The following PTCHD4 variants were observed in gnomAD, a reference collection of about 807,000 sequenced individuals.
PTCHD4 encodes patched domain containing 4.
A neutral mutation model predicts 58.1 loss-of-function variants in PTCHD4; 33 were observed. That is an observed-to-expected ratio of 0.57 (90% confidence interval 0.43 to 0.76). PTCHD4 has a LOEUF of 0.76. Ranked by LOEUF, PTCHD4 falls within the 30% of genes least tolerant of loss-of-function variation. The pLI, the probability that PTCHD4 is intolerant of heterozygous loss-of-function variation, is 0.00. For missense variants in PTCHD4, 1,058 were observed against 1,027.1 expected, an observed-to-expected ratio of 1.03 and a Z score of -0.41; for synonymous variants, 478 against 409.6, an observed-to-expected ratio of 1.17 and a Z score of -2.02.
intron 1 of PTCHD4, among the ~76,000 whole-genome samples, chr6:48,107,259 A>G (rs1192657239): frequency 6.6e-6 from 1 of 152,206 alleles, no homozygotes; most frequent in African/African-American, 2.4e-5. Context: ...AGAGATATAG[A>G]CCAATGGAAC....
At chr6:48,090,017 C>A (rs917998564) in intron 1 of PTCHD4, among the ~76,000 whole-genome samples, 9 of 152,080 alleles carry the variant, frequency 5.9e-5, no homozygotes, top group Non-Finnish European at 1.5e-5. Flanking sequence ...TTTCTCAGAA[C>A]TATTTCTCCA....
intron 4 of PTCHD4, among the ~76,000 whole-genome samples, chr6:47,953,323 T>C (rs1001123792): frequency 1.3e-5 from 2 of 152,170 alleles, no homozygotes; most frequent in Admixed American, 6.5e-5. Flanking sequence ...CCTTGCTTTG[T>C]GGGGAAAATG....
chr6:48,076,338 A>T (rs1765064104), intron 1 of PTCHD4, among the ~76,000 whole-genome samples: 1 of 152,196 alleles, frequency 6.6e-6, no homozygotes, highest in African/African-American at 2.4e-5. Context: ...GTTGGAATCA[A>T]CTTCCTCCAA....
At chr6:47,957,768 T>C (rs1003691628) in intron 4 of PTCHD4, among the ~76,000 whole-genome samples, 2 of 144,700 alleles carry the variant, frequency 1.4e-5, no homozygotes, top group African/African-American at 5.3e-5. Flanking sequence ...GCCCGGCTAA[T>C]TTTTTTTTTG....
chr6:47,996,336 G>A (rs1325807408), intron 4 of PTCHD4, among the ~76,000 whole-genome samples: 3 of 152,148 alleles, frequency 2.0e-5, no homozygotes, highest in African/African-American at 4.8e-5. Flanking sequence ...TTAGCCGGGT[G>A]TGGTGTTGCA....
At chr6:47,967,256 TG>T (rs764612316) in intron 4 of PTCHD4, among the ~76,000 whole-genome samples, 61 of 152,324 alleles carry the variant, frequency 4.0e-4, no homozygotes, top group Non-Finnish European at 7.6e-4. Context: ...ATTGTCGATT[TG>T]CAGTAATATT....
chr6:47,910,333 T>C (rs1341750371), intron 4 of PTCHD4, among the ~76,000 whole-genome samples: 1 of 152,114 alleles, frequency 6.6e-6, no homozygotes, highest in Non-Finnish European at 1.5e-5. Context: ...ATCCATTAGT[T>C]CAAACCTGTG....
chr6:47,878,701 T>G lies in PTCHD4; in HGVS notation c.2134A>C (p.Ile712Leu). The G allele has an allele frequency of 6.2e-7, 1 of 1,613,230 alleles. No individual in the cohort carries two copies. Among genetic ancestry groups the G allele is most frequent in the Non-Finnish European group, 8.5e-7 (1 of 1,179,658 alleles). Residue 712 changes from isoleucine to leucine, a missense_variant, in exon 5 of 5, where the codon ATC (isoleucine) becomes CTC (leucine). Coordinates refer to ENST00000339488, the MANE Select transcript of PTCHD4 (RefSeq NM_001384253.1). The part of the protein sequence containing the change: ...LWNVDMDCIS[I>L]LCLIYTLNFA... The stretch of plus-strand genomic sequence containing the variant: ...TTCAAGGTGTAGATAAGGCACAAGA[T>G]AGAAATGCAATCCATGTCGACGTTC...
At chr6:47,886,456 C>A (rs1006263198) in intron 4 of PTCHD4, among the ~76,000 whole-genome samples, 1 of 151,800 alleles carries the variant, frequency 6.6e-6, no homozygotes, top group Non-Finnish European at 1.5e-5. Context: ...AGCTTGACAC[C>A]GATATGAGAG....
chr6:47,979,271 A>G (rs1767797723), intron 4 of PTCHD4, among the ~76,000 whole-genome samples: 2 of 152,158 alleles, frequency 1.3e-5, no homozygotes, highest in South Asian at 2.1e-4. Flanking sequence ...AAAGGTATGT[A>G]TTTTTATAAA....
At chr6:47,885,842 G>A (rs766056827) in intron 4 of PTCHD4, among the ~76,000 whole-genome samples, 4 of 151,950 alleles carry the variant, frequency 2.6e-5, no homozygotes, top group Admixed American at 2.0e-4. Flanking sequence ...TTTTTGAGAC[G>A]GAGTCTCACT....
intron 4 of PTCHD4, among the ~76,000 whole-genome samples, chr6:47,984,626 A>G (rs993333875): frequency 6.6e-6 from 1 of 152,170 alleles, no homozygotes; most frequent in Non-Finnish European, 1.5e-5. Flanking sequence ...GAAAGCCTCT[A>G]TTTCATATAA....
At chr6:48,039,108 G>A (rs1763751065) in intron 3 of PTCHD4, among the ~76,000 whole-genome samples, 1 of 152,098 alleles carries the variant, frequency 6.6e-6, no homozygotes, top group Non-Finnish European at 1.5e-5. Flanking sequence ...AATGTTTATG[G>A]CAGTATTATC....
intron 4 of PTCHD4, among the ~76,000 whole-genome samples, chr6:47,965,530 A>G (rs1321292312): frequency 6.6e-6 from 1 of 152,222 alleles, no homozygotes; most frequent in African/African-American, 2.4e-5. Context: ...TTTTAAAAAG[A>G]AAACTAACAT....
At chr6:47,943,296 T>C (rs1023241637) in intron 4 of PTCHD4, among the ~76,000 whole-genome samples, 3 of 152,144 alleles carry the variant, frequency 2.0e-5, no homozygotes, top group African/African-American at 7.2e-5. Context: ...GCTTTGATGA[T>C]TGTGCACAAA....
In PTCHD4 at chr6:47,878,180, G is replaced by C. The variant is rs935406579; in HGVS notation, c.*123C>G. Reference sequence around the variant, plus strand: ...GGCACCTTGAAGTGTCATGAATAATGCACTCTTGATCTGACTTGCCTTGTT... The same window carrying C: ...GGCACCTTGAAGTGTCATGAATAATCCACTCTTGATCTGACTTGCCTTGTT... On this transcript the variant is annotated 3_prime_UTR_variant, in exon 5 of 5. Coordinates refer to ENST00000339488, the MANE Select transcript of PTCHD4 (RefSeq NM_001384253.1). 2.5e-6 allele frequency: 2 copies of C among 785,564 alleles called. No individual in the cohort carries two copies. Among genetic ancestry groups the C allele is most frequent in the Non-Finnish European group, 4.1e-6 (2 of 489,288 alleles). 48.7% of individuals were successfully genotyped at this position (785,564 alleles called of 1,614,324 possible).
chr6:48,001,946 G>A (rs181122717), intron 4 of PTCHD4, among the ~76,000 whole-genome samples: 1 of 152,170 alleles, frequency 6.6e-6, no homozygotes, highest in Non-Finnish European at 1.5e-5. Context: ...ACAAGTGGGT[G>A]AAGGATATGA....
rs1382952026 is a variant in PTCHD4 at position 47,878,734 on chromosome 6, T to A, written c.2101A>T (p.Thr701Ser). 1 of 1,613,610 alleles carries A rather than the reference T, an allele frequency of 6.2e-7. No homozygotes were observed. The highest frequency in any genetic ancestry group is 8.5e-7 in the Non-Finnish European group (1 of 1,179,772). ...CAATCCATGTCGACGTTCCATAATG[T>A]CATTAAGCCCAGAACGCCCAGCTCA... ...SIELGVLGLM[T>S]LWNVDMDCIS... The change falls in exon 5 of 5, where the codon ACA (threonine) becomes TCA (serine). Residue 701 changes from threonine (T) to serine (S), a missense_variant. Coordinates refer to ENST00000339488, the MANE Select transcript of PTCHD4 (RefSeq NM_001384253.1).
chr6:48,021,471 C>T (rs955550874), intron 3 of PTCHD4, among the ~76,000 whole-genome samples: 6 of 152,110 alleles, frequency 3.9e-5, no homozygotes, highest in African/African-American at 1.4e-4. Flanking sequence ...TCTTTTTAAT[C>T]TTTGCCTTTG....
Sources: gnomAD v4.1 joint callset for allele counts (sites outside exome capture counted in the v4.1 genomes callset) on GRCh38, gnomAD v4.1.1 for gene constraint, MANE v1.5 for transcripts, NCBI Gene and HGNC (gene_info 2026-07-23, HGNC 2026-07-21) for gene names.